Variants in GRM7 observed in about 807,000 individuals in gnomAD.
GRM7 encodes the protein glutamate metabotropic receptor 7, also known as metabotropic glutamate receptor 7.
GRM7 carries 35 observed loss-of-function variants against 84.5 expected under a neutral mutation model. That is an observed-to-expected ratio of 0.41 (90% CI 0.32 to 0.55). The LOEUF is 0.55. GRM7 is among the 20% of genes least tolerant of loss of function. The pLI is 0.19. For synonymous variants in GRM7, 487 were observed against 455.1 expected, an observed-to-expected ratio of 1.07 and a Z score of -0.89; for missense variants, 1,003 against 1,194.6, an observed-to-expected ratio of 0.84 and a Z score of 2.36.
intron 5 of GRM7, among the ~76,000 whole-genome samples, chr3:7,435,310 T>C (rs2124858058): frequency 6.6e-6 from 1 of 151,864 alleles, no homozygotes; most frequent in Admixed American, 6.6e-5. Flanking sequence ...ACTACAGGTG[T>C]GTGCCACCAC....
intron 1 of GRM7, among the ~76,000 whole-genome samples, chr3:6,965,818 C>T (rs17694803): frequency 0.06 from 9,079 of 152,210 alleles, 523 homozygotes; most frequent in African/African-American, 0.14. Context: ...AGGTTCTGCT[C>T]GCATCCATCT....
intron 1 of GRM7, among the ~76,000 whole-genome samples, chr3:6,866,573 A>G (rs1414958181): frequency 6.6e-6 from 1 of 152,146 alleles, no homozygotes; most frequent in African/African-American, 2.4e-5. Flanking sequence ...CTTCTCAATC[A>G]TATATATCAA....
At chr3:7,671,505 A>C (rs1272171424) in intron 8 of GRM7, among the ~76,000 whole-genome samples, 1 of 151,746 alleles carries the variant, frequency 6.6e-6, no homozygotes, top group Admixed American at 6.6e-5. Flanking sequence ...TATCCAAATA[A>C]AGAATGCAGT....
chr3:7,548,053 A>G (rs1256155636), intron 7 of GRM7, among the ~76,000 whole-genome samples: 2 of 152,224 alleles, frequency 1.3e-5, no homozygotes, highest in Non-Finnish European at 1.5e-5. Context: ...GTTGGCCAAC[A>G]CTGCTGGCAC....
At chr3:7,519,520 T>G (rs73017855) in intron 7 of GRM7, among the ~76,000 whole-genome samples, 2 of 152,170 alleles carry the variant, frequency 1.3e-5, no homozygotes, top group Non-Finnish European at 2.9e-5. Context: ...CATTCATTTA[T>G]TTGCAATTTA....
chr3:7,333,013 C>G (rs966211811), intron 4 of GRM7, among the ~76,000 whole-genome samples: 6 of 152,124 alleles, frequency 3.9e-5, no homozygotes, highest in Admixed American at 3.3e-4. Context: ...ATAGCTGGTG[C>G]TTTCTTGAAA....
At chr3:7,658,349 C>T (rs574680252) in intron 8 of GRM7, among the ~76,000 whole-genome samples, 6 of 152,266 alleles carry the variant, frequency 3.9e-5, no homozygotes, top group African/African-American at 9.6e-5. Flanking sequence ...TAGATGATTG[C>T]GTGAAACTTG....
intron 2 of GRM7, among the ~76,000 whole-genome samples, chr3:7,295,962 A>G (rs1699800296): frequency 6.6e-6 from 1 of 152,054 alleles, no homozygotes; most frequent in Non-Finnish European, 1.5e-5. Flanking sequence ...GGATAGGGCA[A>G]CCTTGCCTTG....
intron 1 of GRM7, among the ~76,000 whole-genome samples, chr3:7,037,485 T>C (rs1048764424): frequency 4.6e-5 from 7 of 152,168 alleles, no homozygotes; most frequent in Admixed American, 6.5e-5. Context: ...GTTTTAAGAA[T>C]TGAGTGAATT....
At chr3:6,948,165 T>C (rs1698163512) in intron 1 of GRM7, among the ~76,000 whole-genome samples, 1 of 140,390 alleles carries the variant, frequency 7.1e-6, no homozygotes, top group Non-Finnish European at 1.6e-5. Flanking sequence ...CAATTTTAGA[T>C]CTTTCTGCTT....
chr3:7,213,416 C>T (rs1696495027), intron 2 of GRM7, among the ~76,000 whole-genome samples: 1 of 152,082 alleles, frequency 6.6e-6, no homozygotes, highest in African/African-American at 2.4e-5. Context: ...TTGGAGATCA[C>T]CCGCTTCAAT....
Position 7,271,564 on chromosome 3 carries a change from A to T in GRM7, c.737-27120A>T, listed in dbSNP as rs1467036455. 3.0e-3 allele frequency among the ~76,000 whole-genome samples: 18 copies of T among 6,094 alleles called. No homozygotes were observed. The Admixed American group carries it at 0.046, about 16-fold the overall frequency. 4.0% of individuals were successfully genotyped at this position (6,094 alleles called of 152,430 possible). The stretch of plus-strand genomic sequence containing the variant: ...ACAGAGTGAGAGACCGCCTCAAATA[A>T]AAAAAAAAAAAAAAAAAAAAAGAAA... On this transcript the variant is annotated intron_variant, in intron 2 of 9. Transcript: ENST00000357716.
chr3:6,901,688 G>A (rs1381289689), intron 1 of GRM7, among the ~76,000 whole-genome samples: 1 of 113,942 alleles, frequency 8.8e-6, no homozygotes, highest in East Asian at 2.7e-4. Flanking sequence ...TCTTTGTTTT[G>A]TTTTGATTTG....
chr3:7,693,814 T>C (rs1700908515), intron 9 of GRM7: 1 of 569,246 alleles, frequency 1.8e-6, no homozygotes, highest in Non-Finnish European at 3.2e-6. Flanking sequence ...GTAGTTCTCA[T>C]CACATGCCAG....
intron 1 of GRM7, among the ~76,000 whole-genome samples, chr3:7,097,613 AATTTTTGACT>A (rs1481918450): frequency 1.3e-5 from 2 of 152,106 alleles, no homozygotes; most frequent in Non-Finnish European, 2.9e-5. Context: ...AAGAATCTTT[AATTTTTGACT>A]AAATGTGACT....
At chr3:7,196,629 A>T (rs988336697) in intron 2 of GRM7, among the ~76,000 whole-genome samples, 1 of 151,874 alleles carries the variant, frequency 6.6e-6, no homozygotes, top group East Asian at 1.9e-4. Flanking sequence ...TCATCCTTCA[A>T]TCTCAGCTTA....
chr3:7,478,036 G>C (rs527558864), intron 7 of GRM7, among the ~76,000 whole-genome samples: 2 of 152,134 alleles, frequency 1.3e-5, no homozygotes, highest in African/African-American at 2.4e-5. Flanking sequence ...ATTTCTACCA[G>C]AGGTGTTTTT....
intron 9 of GRM7, among the ~76,000 whole-genome samples, chr3:7,730,026 C>T (rs974233446): frequency 6.7e-6 from 1 of 149,840 alleles, no homozygotes; most frequent in Non-Finnish European, 1.5e-5. Flanking sequence ...AGGCGCCCAC[C>T]ATCACACCTG....
intron 1 of GRM7, among the ~76,000 whole-genome samples, chr3:7,060,454 T>C (rs762500306): frequency 6.6e-6 from 1 of 151,798 alleles, no homozygotes; most frequent in Non-Finnish European, 1.5e-5. Context: ...GTCTTTACCA[T>C]TCTCTACCTT....
Sources: gnomAD v4.1 joint callset for allele counts (sites outside exome capture counted in the v4.1 genomes callset) on GRCh38, gnomAD v4.1.1 for gene constraint, MANE v1.5 for transcripts, NCBI Gene and HGNC (gene_info 2026-07-23, HGNC 2026-07-21) for gene names.